The following RAB23 variants were observed in gnomAD, a reference collection of about 807,000 sequenced individuals.
RAB23 encodes the protein ras-related protein Rab-23.
In RAB23, 15 loss-of-function variants were observed where a neutral mutation model predicts 30.0. The ratio of observed to expected loss-of-function variants is 0.50; its 90% CI spans 0.33 to 0.77. The LOEUF is 0.77. RAB23 is among the 30% of genes least tolerant of loss of function. The pLI, the probability that RAB23 is intolerant of heterozygous loss-of-function variation, is 0.02. For missense variants in RAB23, 243 were observed against 275.4 expected (o/e 0.88, Z 0.83); for synonymous variants, 93 against 94.0 (o/e 0.99, Z 0.06).
At chr6:57,197,501 T>TA in intron 3 of RAB23, among the ~76,000 whole-genome samples, 1 of 152,242 alleles carries the variant, frequency 6.6e-6, no homozygotes, top group East Asian at 1.9e-4. Flanking sequence ...TCAAGGCATG[T>TA]TTTCTTACCA....
chr6:57,193,863 G>A lies in RAB23; in HGVS notation c.553C>T (p.His185Tyr). The change falls in exon 6 of 7, where the codon CAT (histidine) becomes TAT (tyrosine). Residue 185 changes from histidine to tyrosine, a missense_variant. Transcript: ENST00000468148. ...QQIAEDPELT[H>Y]SSSNKIGVFN... ...TTACCAATCTTGTTACTACTTGAATGCGTTAGTTCTGGATCCTCAGCTATT... is the reference window on the plus strand; with the variant it reads ...TTACCAATCTTGTTACTACTTGAATACGTTAGTTCTGGATCCTCAGCTATT... 1 of 1,612,854 alleles carries A rather than the reference G, an allele frequency of 6.2e-7. No individual in the cohort carries two copies. Among genetic ancestry groups the A allele is most frequent in the Non-Finnish European group, 8.5e-7 (1 of 1,179,264 alleles).
chr6:57,207,795 A>G, intron 2 of RAB23, 82 bp from the exon 3 acceptor site: 1 of 960,742 alleles, frequency 1.0e-6, no homozygotes, highest in Non-Finnish European at 1.6e-6. Flanking sequence ...TTCATTTTCA[A>G]ATCCAAAGAT....
chr6:57,219,741 G>C (rs556284230), intron 1 of RAB23, among the ~76,000 whole-genome samples: 2 of 152,118 alleles, frequency 1.3e-5, no homozygotes, highest in South Asian at 4.1e-4. Context: ...AATAGTGACG[G>C]AACAACTGGA....
intron 3 of RAB23, among the ~76,000 whole-genome samples, chr6:57,201,706 G>C (rs961895570): frequency 2.0e-5 from 3 of 152,042 alleles, no homozygotes; most frequent in African/African-American, 7.2e-5. Flanking sequence ...TTTTGTTAGA[G>C]ACCCAATCAA....
intron 3 of RAB23, among the ~76,000 whole-genome samples, chr6:57,198,627 G>A (rs1765120506): frequency 6.6e-6 from 1 of 151,932 alleles, no homozygotes; most frequent in Non-Finnish European, 1.5e-5. Flanking sequence ...GCTGCAGTGA[G>A]CTGTGATTGT....
At chr6:57,197,219 G>A (rs1210840615) in intron 3 of RAB23, among the ~76,000 whole-genome samples, 5 of 150,386 alleles carry the variant, frequency 3.3e-5, no homozygotes, top group African/African-American at 1.2e-4. Flanking sequence ...AATGCCAAGA[G>A]TATATATATA....
At chr6:57,191,735 C>T (rs570442307) in intron 6 of RAB23, among the ~76,000 whole-genome samples, 22 of 152,340 alleles carry the variant, frequency 1.4e-4, no homozygotes, top group South Asian at 2.1e-4. Flanking sequence ...CAGGCATGAG[C>T]CACCACACCT....
At chr6:57,216,521 C>A (rs957571109) in intron 1 of RAB23, among the ~76,000 whole-genome samples, 2 of 152,138 alleles carry the variant, frequency 1.3e-5, no homozygotes, top group Non-Finnish European at 1.5e-5. Flanking sequence ...TGTCACAGGG[C>A]AAACCCCAAA....
chr6:57,216,676 T>C (rs1488021548), intron 1 of RAB23, among the ~76,000 whole-genome samples: 2 of 151,998 alleles, frequency 1.3e-5, no homozygotes, highest in East Asian at 3.8e-4. Flanking sequence ...AGAGCGGCCC[T>C]GAGGGCTGGT....
intron 5 of RAB23, among the ~76,000 whole-genome samples, 160 bp from the exon 6 acceptor site, chr6:57,194,094 G>T (rs1300203701): frequency 6.6e-6 from 1 of 152,002 alleles, no homozygotes; most frequent in African/African-American, 2.4e-5. Flanking sequence ...AATTATTTGG[G>T]CAGTATCTGA....
At chr6:57,197,242 G>T (rs1016693320) in intron 3 of RAB23, among the ~76,000 whole-genome samples, 1 of 151,958 alleles carries the variant, frequency 6.6e-6, no homozygotes, top group Non-Finnish European at 1.5e-5. Flanking sequence ...TAATAGAGGG[G>T]TTGGGGGAAA....
Position 57,190,505 on chromosome 6 carries a change from T to A in RAB23, c.670A>T (p.Thr224Ser), listed in dbSNP as rs748638791. Reference protein sequence around the residue: ...VINLRPNKQRTKKNRNPFSSC... With the variant: ...VINLRPNKQRSKKNRNPFSSC... Reference sequence around the variant, plus strand: ...CTAAAAGGATTTCTGTTTTTCTTGGTCCTTTGTTTGTTGGGTCTAAGATTG... The same window carrying A: ...CTAAAAGGATTTCTGTTTTTCTTGGACCTTTGTTTGTTGGGTCTAAGATTG... Residue 224 changes from threonine to serine, a missense_variant, in exon 7 of 7, where the codon ACC becomes TCC. By Grantham distance (58) the Thr-to-Ser change is moderately conservative (BLOSUM62 1). Coordinates refer to ENST00000468148, the MANE Select transcript of RAB23 (RefSeq NM_016277.5). 53 of 1,613,992 alleles carry A rather than the reference T, an allele frequency of 3.3e-5. 1 individual carries two copies. Among genetic ancestry groups the A allele is most frequent in the Non-Finnish European group, 4.3e-5 (51 of 1,179,960 alleles).
intron 1 of RAB23, among the ~76,000 whole-genome samples, chr6:57,217,663 A>C (rs935811867): frequency 6.6e-6 from 1 of 152,174 alleles, no homozygotes; most frequent in Non-Finnish European, 1.5e-5. Context: ...AAAAAGTTTC[A>C]ACTCAATAAT....
intron 4 of RAB23, 68 bp downstream of exon 4, chr6:57,196,382 T>C (rs1562651281): frequency 2.0e-5 from 32 of 1,577,634 alleles, no homozygotes; most frequent in Non-Finnish European, 2.5e-5. Flanking sequence ...TGTAAAACTA[T>C]GCAAAAATTA....
chr6:57,190,337 C>G lies in RAB23; in HGVS notation c.*124G>C. Reference sequence around the variant, plus strand: ...AAGCACTGCAGAGCAATATTTAAGTCTGTCACTTTCAGAGAGCCATTAGGA... The same window carrying G: ...AAGCACTGCAGAGCAATATTTAAGTGTGTCACTTTCAGAGAGCCATTAGGA... On this transcript the variant is annotated 3_prime_UTR_variant, in exon 7 of 7. Coordinates refer to ENST00000468148, the MANE Select transcript of RAB23 (RefSeq NM_016277.5). The G allele has an allele frequency of 8.7e-7, 1 of 1,151,332 alleles. No individual in the cohort carries two copies. 71.3% of individuals were successfully genotyped at this position (1,151,332 alleles called of 1,614,324 possible).
At chr6:57,220,667 T>C (rs1052718871) in intron 1 of RAB23, among the ~76,000 whole-genome samples, 1 of 152,218 alleles carries the variant, frequency 6.6e-6, no homozygotes. Context: ...CTAACTGTTA[T>C]GATTTCATTT....
intron 2 of RAB23, 96 bp downstream of exon 2, chr6:57,210,130 C>A: frequency 7.3e-7 from 1 of 1,378,146 alleles, no homozygotes; most frequent in East Asian, 2.4e-5. Flanking sequence ...GTTGCCACAC[C>A]TCGAAATCCA....
chr6:57,216,920 G>A (rs541857581), intron 1 of RAB23, among the ~76,000 whole-genome samples: 1 of 152,166 alleles, frequency 6.6e-6, no homozygotes, highest in Non-Finnish European at 1.5e-5. Context: ...GAGCAGTGAG[G>A]ACAACCAGAG....
At chr6:57,217,136 G>A (rs1362854371) in intron 1 of RAB23, among the ~76,000 whole-genome samples, 1 of 151,564 alleles carries the variant, frequency 6.6e-6, no homozygotes, top group East Asian at 1.9e-4. Flanking sequence ...AGATAAAACA[G>A]GGAAATCTCC....
Sources: gnomAD v4.1 joint callset for allele counts (sites outside exome capture counted in the v4.1 genomes callset) on GRCh38, gnomAD v4.1.1 for gene constraint, MANE v1.5 for transcripts, NCBI Gene and HGNC (gene_info 2026-07-23, HGNC 2026-07-21) for gene names.